Variants in ITGA9 observed in about 807,000 individuals in gnomAD.
ITGA9 encodes integrin alpha-9.
Under a neutral mutation model 127.8 loss-of-function variants are expected in ITGA9, and 56 were observed. The ratio of observed to expected loss-of-function variants is 0.44; its 90% CI spans 0.35 to 0.55. ITGA9 has a LOEUF of 0.55. ITGA9 is among the 20% of genes least tolerant of loss of function. ITGA9 has a pLI of 0.00. For missense variants in ITGA9, 1,196 were observed against 1,347.1 expected, an observed-to-expected ratio of 0.89 and a Z score of 1.76; for synonymous variants, 508 against 514.5, an observed-to-expected ratio of 0.99 and a Z score of 0.17.
intron 11 of ITGA9, among the ~76,000 whole-genome samples, chr3:37,522,412 G>A (rs1314470817): frequency 6.6e-6 from 1 of 152,210 alleles, no homozygotes; most frequent in Admixed American, 6.5e-5. Context: ...TGCCTGTGTG[G>A]ATATGTGATG....
chr3:37,715,602 G>A (rs1192216235), intron 18 of ITGA9, among the ~76,000 whole-genome samples: 1 of 152,124 alleles, frequency 6.6e-6, no homozygotes, highest in African/African-American at 2.4e-5. Context: ...CATGTTTAAG[G>A]GGCACTTAAG....
At position 37,821,404 on chromosome 3, in the gene ITGA9, T is replaced by G. The variant is rs1482429907; in HGVS notation, c.*2415T>G. The G allele has an allele frequency of 6.6e-6, 1 of 152,180 alleles. No homozygotes were observed. Among genetic ancestry groups the G allele is most frequent in the Non-Finnish European group, 1.5e-5 (1 of 68,030 alleles). The allele number at this position is 152,180 out of a possible 1,614,324, so 9.4% of individuals were successfully genotyped here. The stretch of plus-strand genomic sequence containing the variant: ...CCCCAGAGAACACTTCAGGGACATT[T>G]TGCCTCAGGGTGGCAAAATGCAGTG... On this transcript the variant is annotated 3_prime_UTR_variant, in exon 28 of 28. Transcript: ENST00000264741.
chr3:37,817,199 G>A (rs184549820), intron 27 of ITGA9, among the ~76,000 whole-genome samples: 2 of 152,350 alleles, frequency 1.3e-5, no homozygotes, highest in Non-Finnish European at 2.9e-5. Context: ...AGCTGGGTTT[G>A]CTTCACGATT....
intron 17 of ITGA9, among the ~76,000 whole-genome samples, chr3:37,683,104 T>A (rs1271301412): frequency 6.6e-6 from 1 of 152,224 alleles, no homozygotes; most frequent in Non-Finnish European, 1.5e-5. Context: ...TGGGATCTGC[T>A]GCCCCAACTC....
At chr3:37,659,988 A>G (rs1376597840) in intron 17 of ITGA9, among the ~76,000 whole-genome samples, 5 of 151,288 alleles carry the variant, frequency 3.3e-5, no homozygotes, top group Non-Finnish European at 7.4e-5. Flanking sequence ...GATGTAACAC[A>G]CACACACACA....
rs571515340 is a variant in ITGA9 at position 37,469,218 on chromosome 3, C to T, written c.186-1789C>T. ...GGGGATGCTCCTGCTGGGGATGGCC[C>T]ACCCTAGGCAGCTTTTCAGTTCAAG... On this transcript the variant is annotated intron_variant, in intron 1 of 27. Coordinates refer to ENST00000264741, the MANE Select transcript of ITGA9 (RefSeq NM_002207.3). Among the ~76,000 whole-genome samples, 7 of 152,326 alleles carry T rather than the reference C, an allele frequency of 4.6e-5. No homozygotes were observed. In the East Asian group the frequency reaches 1.2e-3, roughly 25 times the overall value.
intron 16 of ITGA9, among the ~76,000 whole-genome samples, chr3:37,636,084 A>G (rs1301768756): frequency 6.6e-6 from 1 of 152,036 alleles, no homozygotes; most frequent in Non-Finnish European, 1.5e-5. Flanking sequence ...TAGTGCTGCT[A>G]TAAACATACA....
intron 15 of ITGA9, among the ~76,000 whole-genome samples, chr3:37,579,432 A>T (rs1699682377): frequency 6.6e-6 from 1 of 152,178 alleles, no homozygotes; most frequent in South Asian, 2.1e-4. Context: ...AAAAAGAAGG[A>T]AGAGAGAAGA....
At chr3:37,658,728 A>T (rs1397423738) in intron 17 of ITGA9, among the ~76,000 whole-genome samples, 3 of 152,152 alleles carry the variant, frequency 2.0e-5, no homozygotes, top group African/African-American at 7.2e-5. Context: ...CCCTTTCATT[A>T]TGATGCTAGC....
intron 17 of ITGA9, among the ~76,000 whole-genome samples, chr3:37,655,882 G>A (rs917171435): frequency 2.0e-5 from 3 of 152,172 alleles, no homozygotes; most frequent in African/African-American, 7.2e-5. Context: ...AAAGTGTAAG[G>A]AAAGGGTCCA....
chr3:37,606,750 C>G (rs938035056), intron 15 of ITGA9, among the ~76,000 whole-genome samples: 4 of 152,082 alleles, frequency 2.6e-5, no homozygotes, highest in South Asian at 2.1e-4. Context: ...ATCAGCCCCC[C>G]TCAATGACCA....
chr3:37,590,230 G>A (rs1699802112), intron 15 of ITGA9, among the ~76,000 whole-genome samples: 1 of 152,130 alleles, frequency 6.6e-6, no homozygotes, highest in African/African-American at 2.4e-5. Flanking sequence ...GACTCTACTG[G>A]GCTCTCCCTG....
In ITGA9 at chr3:37,534,504, G is replaced by A. The variant is rs1046279462; in HGVS notation, c.1528+1036G>A. On this transcript the variant is annotated intron_variant, in intron 14 of 27. Transcript: ENST00000264741. ...GTGGAGCACACATGTGTGCACACAC[G>A]CCCACTCATGCAGAAATATTTACGT... Among the ~76,000 whole-genome samples the A allele has an allele frequency of 3.7e-4, 57 of 152,198 alleles. 1 individual carries two copies. The highest frequency in any genetic ancestry group is 3.7e-3 in the Admixed American group (56 of 15,280).
At chr3:37,663,437 A>G (rs561636655) in intron 17 of ITGA9, among the ~76,000 whole-genome samples, 152 of 152,290 alleles carry the variant, frequency 1.0e-3, no homozygotes, top group Non-Finnish European at 1.5e-3. Flanking sequence ...GTGGCAACAT[A>G]TAATTGTCCT....
chr3:37,536,131 G>T (rs1295688243), intron 14 of ITGA9, among the ~76,000 whole-genome samples: 1 of 152,216 alleles, frequency 6.6e-6, no homozygotes, highest in African/African-American at 2.4e-5. Context: ...CCAGGACACA[G>T]ATACCCTCCA....
At chr3:37,554,007 G>T (rs570058028) in intron 15 of ITGA9, among the ~76,000 whole-genome samples, 2 of 152,156 alleles carry the variant, frequency 1.3e-5, no homozygotes, top group Non-Finnish European at 2.9e-5. Context: ...TTCAGGAAAT[G>T]TGCATTGCAT....
intron 14 of ITGA9, 54 bp from the exon 15 acceptor site, chr3:37,542,371 C>T: frequency 3.1e-6 from 5 of 1,596,694 alleles, no homozygotes; most frequent in Non-Finnish European, 4.3e-6. Flanking sequence ...AAGAGGTGGC[C>T]TCATCACAGT....
chr3:37,692,751 G>A (rs986564001), intron 18 of ITGA9, among the ~76,000 whole-genome samples: 2 of 152,032 alleles, frequency 1.3e-5, no homozygotes, highest in East Asian at 1.9e-4. Flanking sequence ...ACATAATAGC[G>A]AAGTTTAGAT....
intron 8 of ITGA9, among the ~76,000 whole-genome samples, chr3:37,513,054 C>G (rs1327334888): frequency 6.6e-6 from 1 of 152,210 alleles, no homozygotes; most frequent in Non-Finnish European, 1.5e-5. Context: ...TTCACCTGTG[C>G]ATAGGACCAG....
Sources: allele counts gnomAD v4.1 joint callset (sites outside exome capture counted in the v4.1 genomes callset), GRCh38; gene constraint gnomAD v4.1.1; transcripts MANE v1.5; gene names NCBI Gene and HGNC (gene_info 2026-07-23, HGNC 2026-07-21).